Variants in PPP1R1B observed in about 807,000 individuals in gnomAD.
PPP1R1B encodes the protein protein phosphatase 1 regulatory subunit 1B.
Under a neutral mutation model 28.2 loss-of-function variants are expected in PPP1R1B, and 13 were observed. The observed-to-expected ratio is 0.46, with a 90% CI of 0.30 to 0.73. PPP1R1B has a LOEUF of 0.73. Among genes scored for constraint, PPP1R1B ranks in the 30% least tolerant of loss-of-function variants. The pLI is 0.07. For missense variants in PPP1R1B, 236 were observed against 256.7 expected (o/e 0.92, Z 0.55); for synonymous variants, 102 against 97.5 (o/e 1.05, Z -0.27).
chr17:39,632,602 C>T (rs1446776648), intron 4 of PPP1R1B: 1 of 152,256 alleles, frequency 6.6e-6, no homozygotes, highest in African/African-American at 2.4e-5. Context: ...GGGTTGTGCT[C>T]CAAGGCTGGA....
intron 4 of PPP1R1B, 136 bp from the exon 5 acceptor site, chr17:39,633,747 T>C: frequency 6.7e-7 from 1 of 1,500,454 alleles, no homozygotes; most frequent in Non-Finnish European, 8.9e-7. Flanking sequence ...CTTTGGCCTT[T>C]GAACTTGGGC....
intron 1 of PPP1R1B, 31 bp downstream of exon 1, chr17:39,627,504 T>C (rs768246645): frequency 5.1e-6 from 7 of 1,371,214 alleles, no homozygotes; most frequent in Non-Finnish European, 6.0e-6. Context: ...CCCGGCAGCG[T>C]ACCCGACACA....
chr17:39,634,233 C>A, intron 5 of PPP1R1B, 147 bp downstream of exon 5: 1 of 993,190 alleles, frequency 1.0e-6, no homozygotes, highest in East Asian at 2.5e-5. Flanking sequence ...TGGGGTGCCC[C>A]GAACTCAGCC....
chr17:39,630,414 G>T, intron 4 of PPP1R1B: 1 of 301,960 alleles, frequency 3.3e-6, no homozygotes, highest in Non-Finnish European at 6.4e-6. Context: ...TCTCCTGTGG[G>T]CTTCACCCCT....
chr17:39,634,874 G>C (rs2144851046), intron 5 of PPP1R1B, among the ~76,000 whole-genome samples: 1 of 152,368 alleles, frequency 6.6e-6, no homozygotes, highest in Non-Finnish European at 1.5e-5. Context: ...CAGTGGAAGA[G>C]GGGTGAGAGG....
chr17:39,629,336 G>C (rs2056858864), intron 2 of PPP1R1B, 106 bp downstream of exon 2: 1 of 1,340,770 alleles, frequency 7.5e-7, no homozygotes, highest in South Asian at 1.2e-5. Context: ...GGAGACTGGG[G>C]AGTGGATAAG....
rs765988806 is a variant in PPP1R1B, at chr17:39,634,032, G to A, written c.391G>A (p.Glu131Lys). The A allele has an allele frequency of 1.2e-6, 2 of 1,613,936 alleles. No individual in the cohort carries two copies. Among genetic ancestry groups the A allele is most frequent in the African/African-American group, 1.3e-5 (1 of 75,060 alleles). ...GGAGGAAGAGGAGGATGATGAAGAA[G>A]AGGAAGAAGAAGAGGACAGCCAGGC... The part of the protein sequence containing the change: ...DEEEEEDDEE[E>K]EEEEDSQAEV... The change falls in exon 5 of 7, where the codon GAG (glutamate) becomes AAG (lysine). Residue 131 changes from glutamate to lysine, a missense_variant. Coordinates refer to ENST00000254079, the MANE Select transcript of PPP1R1B (RefSeq NM_032192.4).
intron 3 of PPP1R1B, 82 bp downstream of exon 3, chr17:39,629,644 C>A: frequency 1.4e-6 from 2 of 1,453,376 alleles, no homozygotes; most frequent in Non-Finnish European, 1.9e-6. Flanking sequence ...TGACAACCAA[C>A]CAGTATGGGG....
intron 4 of PPP1R1B, 57 bp downstream of exon 4, chr17:39,630,104 A>T: frequency 1.3e-6 from 2 of 1,503,630 alleles, no homozygotes; most frequent in Middle Eastern, 3.4e-4. Context: ...AACTGGGCAG[A>T]CGCTAGGGGA....
intron 4 of PPP1R1B, chr17:39,630,499 A>G (rs2056869493): frequency 5.7e-6 from 1 of 174,794 alleles, no homozygotes; most frequent in Non-Finnish European, 1.2e-5. Context: ...CCCTTTCTCC[A>G]TGGAAAAGCA....
At position 39,628,451 on chromosome 17, in the gene PPP1R1B, A is replaced by AG. The variant is rs1034318915; in HGVS notation, c.82-713dup. The AG allele has an allele frequency of 1.0e-5, 9 of 871,236 alleles. No homozygotes were observed. In the African/African-American group the frequency reaches 1.6e-4, roughly 15 times the overall value. The allele number at this position is 871,236 out of a possible 1,614,324, so 54.0% of individuals were successfully genotyped here. A position where few individuals can be genotyped will look rare whatever the true frequency, so the allele number is the denominator to read the frequency against. On this transcript the variant is annotated intron_variant, in intron 1 of 6. Transcript: ENST00000254079. ...TGCCAAGCTGAGGGGCGGGGCGGGGAGGGGGGCGGTCAGTTGCTGCTTGGC... is the reference window on the plus strand; with the variant it reads ...TGCCAAGCTGAGGGGCGGGGCGGGGAGGGGGGGCGGTCAGTTGCTGCTTGGC...
intron 4 of PPP1R1B, among the ~76,000 whole-genome samples, chr17:39,630,944 C>T (rs2056872777): frequency 6.6e-6 from 1 of 152,200 alleles, no homozygotes; most frequent in Admixed American, 6.5e-5. Flanking sequence ...TAGCGCATGC[C>T]TGTCATCTCA....
At chr17:39,627,521 G>A (rs771714536) in intron 1 of PPP1R1B, 48 bp downstream of exon 1, 2 of 1,260,712 alleles carry the variant, frequency 1.6e-6, no homozygotes, top group Middle Eastern at 1.9e-4. Context: ...CACACCCCGC[G>A]GGGCTTCTTC....
chr17:39,632,048 AC>A (rs997940861), intron 4 of PPP1R1B: 1 of 152,148 alleles, frequency 6.6e-6, no homozygotes, highest in African/African-American at 2.4e-5. Flanking sequence ...AAAATTGTGC[AC>A]CCCCTCAACT....
At chr17:39,633,760 C>A in intron 4 of PPP1R1B, 123 bp from the exon 5 acceptor site, 1 of 1,533,556 alleles carries the variant, frequency 6.5e-7, no homozygotes, top group Admixed American at 1.8e-5. Flanking sequence ...ACTTGGGCCC[C>A]TGAGGGGGTA....
rs1055959146 is a variant in PPP1R1B at position 39,627,209 on chromosome 17, G to A, written c.-184G>A. Reference sequence around the variant, plus strand: ...GAGAGCCTGGGGGCGCGCCCAGCCCGGGCGCCGACCCTCCTCCCGCTCCCG... The same window carrying A: ...GAGAGCCTGGGGGCGCGCCCAGCCCAGGCGCCGACCCTCCTCCCGCTCCCG... On this transcript the variant is annotated 5_prime_UTR_variant, in exon 1 of 7. Transcript: ENST00000254079. 81 of 497,798 alleles carry A rather than the reference G, an allele frequency of 1.6e-4. No homozygotes were observed. The highest frequency in any genetic ancestry group is 2.2e-4 in the Non-Finnish European group (63 of 286,666). 30.8% of individuals were successfully genotyped at this position (497,798 alleles called of 1,614,324 possible).
chr17:39,627,575 G>A, intron 1 of PPP1R1B, 102 bp downstream of exon 1: 1 of 738,256 alleles, frequency 1.4e-6, no homozygotes, highest in Non-Finnish European at 2.1e-6. Flanking sequence ...CTGGGGGTGG[G>A]GGCGCAAGGA....
intron 1 of PPP1R1B, among the ~76,000 whole-genome samples, chr17:39,627,843 GCT>G (rs772851223): frequency 6.6e-6 from 1 of 152,082 alleles, no homozygotes; most frequent in Non-Finnish European, 1.5e-5. Context: ...GCTCCGCCTG[GCT>G]CTGTCCCAGA....
chr17:39,631,072 G>GAA (rs796937092), intron 4 of PPP1R1B, among the ~76,000 whole-genome samples: 1 of 139,168 alleles, frequency 7.2e-6, no homozygotes, highest in Non-Finnish European at 1.6e-5. Context: ...TCTGTCTCAA[G>GAA]AAAAAAAAAA....
Sources: gnomAD v4.1 joint callset for allele counts (sites outside exome capture counted in the v4.1 genomes callset) on GRCh38, gnomAD v4.1.1 for gene constraint, MANE v1.5 for transcripts, NCBI Gene and HGNC (gene_info 2026-07-23, HGNC 2026-07-21) for gene names.